Variants in ZNF398 observed in about 807,000 individuals in gnomAD.
ZNF398 encodes zinc finger protein 398, also known as zinc finger DNA binding protein ZER6.
ZNF398 carries 18 observed loss-of-function variants against 41.9 expected under a neutral mutation model. The observed-to-expected ratio is 0.43, with a 90% CI of 0.30 to 0.64. The LOEUF is 0.64. Ranked by LOEUF, ZNF398 falls within the 30% of genes least tolerant of loss-of-function variation. The probability of loss-of-function intolerance (pLI) is 0.14; values close to 1 mark genes in which losing one functional copy is unlikely to be tolerated. For missense variants in ZNF398, 669 were observed against 822.8 expected, an observed-to-expected ratio of 0.81 and a Z score of 2.29; for synonymous variants, 260 against 308.8, an observed-to-expected ratio of 0.84 and a Z score of 1.66.
intron 2 of ZNF398, among the ~76,000 whole-genome samples, chr7:149,141,456 CTTTTTTTTT>C (rs60019784): frequency 7.8e-6 from 1 of 128,234 alleles, no homozygotes; most frequent in African/African-American, 2.9e-5. Flanking sequence ...TCTTTTTTTT[CTTTTTTTTT>C]TTTTTTTGAG....
At chr7:149,172,927 AC>A (rs1398200499) in intron 4 of ZNF398, among the ~76,000 whole-genome samples, 1 of 152,262 alleles carries the variant, frequency 6.6e-6, no homozygotes, top group East Asian at 1.9e-4. Flanking sequence ...GTCTAAAAAA[AC>A]AATGTACATA....
chr7:149,133,704 T>TATAC (rs1202929690), intron 2 of ZNF398, among the ~76,000 whole-genome samples: 43 of 74,008 alleles, frequency 5.8e-4, no homozygotes, highest in African/African-American at 1.9e-3. Context: ...TATATATATA[T>TATAC]ACACACATAT....
At position 149,178,536 on chromosome 7, in the gene ZNF398, G is replaced by C. The variant is rs10270166; in HGVS notation, c.776-112G>C. On this transcript the variant is annotated intron_variant, in intron 5 of 5. Coordinates refer to ENST00000475153, the MANE Select transcript of ZNF398 (RefSeq NM_170686.3). ...GTCTCGGTTATTATTGCAGCCTTCT[G>C]CTGTATTTCTGATCTGAGCTTCGAG... 2.7e-3 allele frequency: 2,268 copies of C among 850,848 alleles called. 44 individuals carry two copies. The African/African-American group carries it at 0.034, about 13-fold the overall frequency. The allele number at this position is 850,848 out of a possible 1,614,324, so 52.7% of individuals were successfully genotyped here. A position where few individuals can be genotyped will look rare whatever the true frequency, so the allele number is the denominator to read the frequency against.
chr7:149,143,142 AAAAAG>A (rs10634333), upstream of ZNF398, among the ~76,000 whole-genome samples: 18 of 150,584 alleles, frequency 1.2e-4, no homozygotes, highest in Admixed American at 1.0e-3. Flanking sequence ...CTCCATCTCA[AAAAAG>A]AAAAGAAAAG....
At chr7:149,155,756 T>G (rs1210824891) in intron 2 of ZNF398, among the ~76,000 whole-genome samples, 1 of 140,960 alleles carries the variant, frequency 7.1e-6, no homozygotes, top group African/African-American at 2.6e-5. Flanking sequence ...AGATGGAGTC[T>G]CACTCTGTTG....
chr7:149,167,634 C>CTTTTTTTT (rs1163487497), intron 4 of ZNF398, among the ~76,000 whole-genome samples: 2 of 133,972 alleles, frequency 1.5e-5, no homozygotes, highest in African/African-American at 2.7e-5. Context: ...TTTTTCTTTT[C>CTTTTTTTT]TTTTTTTTTT....
At chr7:149,154,617 C>T (rs1322045849) in intron 2 of ZNF398, among the ~76,000 whole-genome samples, 1 of 152,056 alleles carries the variant, frequency 6.6e-6, no homozygotes, top group African/African-American at 2.4e-5. Flanking sequence ...TTTGGTTTCT[C>T]CTACCCATTA....
intron 5 of ZNF398, among the ~76,000 whole-genome samples, chr7:149,178,217 G>A (rs772017468): frequency 4.0e-5 from 6 of 151,654 alleles, no homozygotes; most frequent in African/African-American, 4.8e-5. Context: ...GCGTGAACCC[G>A]GGAGGCGGAG....
intron 2 of ZNF398, among the ~76,000 whole-genome samples, 162 bp downstream of exon 2, chr7:149,154,502 A>G (rs796888834): frequency 5.9e-5 from 9 of 152,298 alleles, no homozygotes; most frequent in African/African-American, 2.2e-4. Flanking sequence ...CTATTTGGGA[A>G]ACATTTTATG....
intron 3 of ZNF398, 87 bp downstream of exon 3, chr7:149,166,371 C>A: frequency 6.6e-7 from 1 of 1,515,406 alleles, no homozygotes; most frequent in South Asian, 1.2e-5. Context: ...TGACCTCATT[C>A]TCACTCTGTC....
At chr7:149,144,141 C>G (rs1245735335), upstream of ZNF398, among the ~76,000 whole-genome samples, 1 of 152,122 alleles carries the variant, frequency 6.6e-6, no homozygotes, top group Non-Finnish European at 1.5e-5. Flanking sequence ...AAGGAAGGAA[C>G]ATTTAATAAG....
intron 2 of ZNF398, among the ~76,000 whole-genome samples, chr7:149,162,813 T>G (rs1157571232): frequency 6.6e-6 from 1 of 151,268 alleles, no homozygotes; most frequent in African/African-American, 2.4e-5. Context: ...CTCCCAGCAC[T>G]TTGGGAGGCC....
intron 2 of ZNF398, among the ~76,000 whole-genome samples, chr7:149,157,093 G>C (rs1794995990): frequency 6.6e-6 from 1 of 152,048 alleles, no homozygotes; most frequent in Non-Finnish European, 1.5e-5. Context: ...TGAAGAACTG[G>C]GTAGATGGTG....
In ZNF398 at chr7:149,178,949, C is replaced by T. The variant is rs763552935; in HGVS notation, c.1077C>T (p.Thr359=). The T allele has an allele frequency of 4.3e-6, 7 of 1,614,114 alleles. No individual in the cohort carries two copies. The Admixed American group carries it at 1.2e-4, about 27-fold the overall frequency. The part of the protein sequence containing the change: ...GKNLSQDMLL[T]HQCSHATEHP... ...ATCTCAGCCAAGACATGTTGCTGAC[C>T]CACCAATGTAGCCATGCTACTGAGC... Residue 359 remains threonine (T), a synonymous_variant, in exon 6 of 6, where the codon ACC becomes ACT. Transcript: ENST00000475153.
chr7:149,149,033 G>A (rs973782852), intron 1 of ZNF398, among the ~76,000 whole-genome samples: 1 of 151,848 alleles, frequency 6.6e-6, no homozygotes, highest in East Asian at 1.9e-4. Flanking sequence ...CAGGCGCTGT[G>A]TTGTGCACGC....
intron 1 of ZNF398, among the ~76,000 whole-genome samples, chr7:149,153,545 A>G (rs1199337757): frequency 2.0e-5 from 3 of 152,306 alleles, no homozygotes; most frequent in Non-Finnish European, 4.4e-5. Context: ...AAACAGGGTG[A>G]TTGACAGGTC....
chr7:149,128,517 C>T (rs896571295), intron 1 of ZNF398, among the ~76,000 whole-genome samples: 11 of 152,056 alleles, frequency 7.2e-5, no homozygotes, highest in Admixed American at 1.3e-4. Context: ...GAGGCTGAGG[C>T]AGTAGGATTG....
chr7:149,141,477 C>T (rs1309719993), intron 2 of ZNF398, among the ~76,000 whole-genome samples: 2 of 96,748 alleles, frequency 2.1e-5, no homozygotes, highest in South Asian at 4.5e-4. Flanking sequence ...TTTTTTGAGA[C>T]GGAGTCTCAC....
intron 2 of ZNF398, among the ~76,000 whole-genome samples, chr7:149,155,112 C>A (rs940902202): frequency 3.3e-5 from 5 of 151,682 alleles, no homozygotes; most frequent in Non-Finnish European, 5.9e-5. Flanking sequence ...CATGGTGAAA[C>A]CCCGTCTCTA....
Sources: allele counts gnomAD v4.1 joint callset (sites outside exome capture counted in the v4.1 genomes callset), GRCh38; gene constraint gnomAD v4.1.1; transcripts MANE v1.5; gene names NCBI Gene and HGNC (gene_info 2026-07-23, HGNC 2026-07-21).